ROPN1L: variants seen among roughly 807,000 people sequenced by gnomAD.
ROPN1L encodes ropporin-1-like protein.
Under a neutral mutation model 22.7 loss-of-function variants are expected in ROPN1L, and 23 were observed. The observed-to-expected ratio is 1.01, with a 90% CI of 0.73 to 1.43. The LOEUF (loss-of-function observed/expected upper bound fraction) is 1.43. ROPN1L is among the 40% of genes most tolerant of loss of function. ROPN1L has a pLI of 0.00. For missense variants in ROPN1L, 271 were observed against 291.5 expected (o/e 0.93, Z 0.51); for synonymous variants, 116 against 117.8 (o/e 0.98, Z 0.10).
At chr5:10,454,942 G>T (rs1477421055) in intron 3 of ROPN1L, among the ~76,000 whole-genome samples, 1 of 152,198 alleles carries the variant, frequency 6.6e-6, no homozygotes, top group Non-Finnish European at 1.5e-5. Context: ...CATAGCCCAA[G>T]GAATGTGCAG....
intron 3 of ROPN1L, among the ~76,000 whole-genome samples, chr5:10,453,957 T>C (rs779793442): frequency 6.6e-6 from 1 of 152,186 alleles, no homozygotes; most frequent in Non-Finnish European, 1.5e-5. Flanking sequence ...GCTCTACTTA[T>C]TACATCAAAA....
the ROPN1L span, chr5:10,482,324 C>A: frequency 6.6e-6 from 1 of 151,982 alleles, no homozygotes; most frequent in Non-Finnish European, 1.5e-5. Flanking sequence ...AAAAGATAAA[C>A]CTTTTCGAAT....
downstream of ROPN1L, among the ~76,000 whole-genome samples, chr5:10,468,467 A>G (rs2126478872): frequency 6.6e-6 from 1 of 152,352 alleles, no homozygotes; most frequent in Non-Finnish European, 1.5e-5. Context: ...AGGCTGAATC[A>G]TCTATGTTCC....
At chr5:10,477,266 A>G in the ROPN1L span, among the ~76,000 whole-genome samples, 1 of 152,302 alleles carries the variant, frequency 6.6e-6, no homozygotes, top group South Asian at 2.1e-4. Context: ...AACATGTTAA[A>G]GAGGTTAACC....
intron 3 of ROPN1L, among the ~76,000 whole-genome samples, chr5:10,455,645 T>A (rs16884729): frequency 0.053 from 8,041 of 152,246 alleles, 529 homozygotes; most frequent in African/African-American, 0.14. Flanking sequence ...AGCCACGGGG[T>A]GAACTGCTCC....
chr5:10,470,107 C>A (rs761158305), intron 4 of ROPN1L, among the ~76,000 whole-genome samples: 1 of 151,994 alleles, frequency 6.6e-6, no homozygotes, highest in Admixed American at 6.6e-5. Context: ...TTGCTATTTC[C>A]GTAATTTGCA....
At chr5:10,453,589 A>C (rs2673903) in intron 3 of ROPN1L, among the ~76,000 whole-genome samples, 24,079 of 152,162 alleles carry the variant, frequency 0.16, 3,064 homozygotes, top group East Asian at 0.66. Context: ...TTCACATAGG[A>C]TGCTGTGTAA....
chr5:10,450,870 C>A (rs1741232427), intron 3 of ROPN1L, among the ~76,000 whole-genome samples: 3 of 152,128 alleles, frequency 2.0e-5, no homozygotes, highest in African/African-American at 7.2e-5. Flanking sequence ...ATAAGCCAAG[C>A]AACTTAGGAA....
At chr5:10,464,387 C>T (rs920781528) in intron 4 of ROPN1L, among the ~76,000 whole-genome samples, 56 of 152,356 alleles carry the variant, frequency 3.7e-4, no homozygotes, top group African/African-American at 1.3e-3. Context: ...GCTTCTGCAC[C>T]GCCATCCGGG....
intron 3 of ROPN1L, among the ~76,000 whole-genome samples, chr5:10,452,908 T>G (rs1741300524): frequency 6.6e-6 from 1 of 152,152 alleles, no homozygotes; most frequent in South Asian, 2.1e-4. Flanking sequence ...GTGTTAAGGA[T>G]AGAGCTTGGC....
chr5:10,449,817 C>T lies in ROPN1L; in HGVS notation c.256-135C>T, dbSNP rs1016965495. The T allele has an allele frequency of 7.6e-6, 5 of 661,926 alleles. No homozygotes were observed. In the African/African-American group the frequency reaches 9.3e-5, roughly 12 times the overall value. The allele number at this position is 661,926 out of a possible 1,614,324, so 41.0% of individuals were successfully genotyped here. The stretch of plus-strand genomic sequence containing the variant: ...CTTCCCTCCCCAGGGCTGACAGAAC[C>T]CCCTGTCATGCATTTGGAGTTCATC... On this transcript the variant is annotated intron_variant, in intron 2 of 4. Transcript: ENST00000274134.
chr5:10,453,610 G>A (rs1334379272), intron 3 of ROPN1L, among the ~76,000 whole-genome samples: 2 of 152,224 alleles, frequency 1.3e-5, no homozygotes, highest in East Asian at 3.8e-4. Context: ...TTGGTGGCTA[G>A]CCGCTGCCTG....
At chr5:10,447,296 C>T (rs546003490) in intron 1 of ROPN1L, among the ~76,000 whole-genome samples, 33 of 152,320 alleles carry the variant, frequency 2.2e-4, no homozygotes, top group Non-Finnish European at 4.0e-4. Flanking sequence ...CCTCCCACCA[C>T]GAGCCAGAGG....
At chr5:10,466,925 C>T (rs115686606), downstream of ROPN1L, among the ~76,000 whole-genome samples, 311 of 152,272 alleles carry the variant, frequency 2.0e-3, 1 homozygote, top group African/African-American at 6.8e-3. Context: ...TGCTGTCCTC[C>T]TCCTGGGTCC....
chr5:10,465,945 T>C (rs1418554006), downstream of ROPN1L, among the ~76,000 whole-genome samples: 1 of 152,172 alleles, frequency 6.6e-6, no homozygotes, highest in Non-Finnish European at 1.5e-5. Context: ...GGGAAGGGCA[T>C]TGGCAGCTGA....
chr5:10,455,220 G>A (rs57271926), intron 3 of ROPN1L, among the ~76,000 whole-genome samples: 8 of 152,324 alleles, frequency 5.3e-5, no homozygotes, highest in African/African-American at 1.2e-4. Context: ...CCTGCGCTGC[G>A]GCAGTGACAG....
At chr5:10,481,498 G>A in the ROPN1L span, among the ~76,000 whole-genome samples, 1 of 152,236 alleles carries the variant, frequency 6.6e-6, no homozygotes, top group African/African-American at 2.4e-5. Flanking sequence ...TGGTTGGTTT[G>A]CATTTGAAAA....
intron 3 of ROPN1L, among the ~76,000 whole-genome samples, chr5:10,459,289 C>T (rs1242389725): frequency 6.6e-6 from 1 of 151,428 alleles, no homozygotes; most frequent in Non-Finnish European, 1.5e-5. Flanking sequence ...TTGCCAGGTT[C>T]CCGCCTTCCA....
chr5:10,449,352 C>T (rs945678646), intron 2 of ROPN1L, among the ~76,000 whole-genome samples: 1 of 152,034 alleles, frequency 6.6e-6, no homozygotes, highest in Non-Finnish European at 1.5e-5. Flanking sequence ...AACTTTGTCT[C>T]CAATAAAAAT....
Sources: gnomAD v4.1 joint callset for allele counts (sites outside exome capture counted in the v4.1 genomes callset) on GRCh38, gnomAD v4.1.1 for gene constraint, MANE v1.5 for transcripts, NCBI Gene and HGNC (gene_info 2026-07-23, HGNC 2026-07-21) for gene names.